Variants in PPP2R2A observed in about 807,000 individuals in gnomAD.
The protein encoded by PPP2R2A is serine/threonine-protein phosphatase 2A 55 kDa regulatory subunit B alpha isoform.
In PPP2R2A, 9 loss-of-function variants were observed where a neutral mutation model predicts 53.2. The observed-to-expected ratio is 0.17, with a 90% CI of 0.10 to 0.30. PPP2R2A has a LOEUF of 0.30. Among genes scored for constraint, PPP2R2A ranks in the 10% least tolerant of loss-of-function variants. The pLI is 1.00. For synonymous variants in PPP2R2A, 169 were observed against 174.2 expected, an observed-to-expected ratio of 0.97 and a Z score of 0.23; for missense variants, 235 against 534.6, an observed-to-expected ratio of 0.44 and a Z score of 5.53.
At chr8:26,361,780 T>C (rs1805096685) in intron 6 of PPP2R2A, among the ~76,000 whole-genome samples, 1 of 151,938 alleles carries the variant, frequency 6.6e-6, no homozygotes, top group Admixed American at 6.6e-5. Context: ...GCCAACATAG[T>C]GAAACCCCGT....
chr8:26,354,801 C>A lies in PPP2R2A; in HGVS notation c.346+168C>A, dbSNP rs1804688276. Among the ~76,000 whole-genome samples the A allele has an allele frequency of 6.6e-6, 1 of 152,106 alleles. No homozygotes were observed. The highest frequency in any genetic ancestry group is 2.4e-5 in the African/African-American group (1 of 41,420). On this transcript the variant is annotated intron_variant, in intron 4 of 9. Transcript: ENST00000380737. This position sits in a 1 kb window ranked among gnomAD's most constrained non-coding sequence, Gnocchi z 4.6. Reference sequence around the variant, plus strand: ...TACTGTCACTTGCAGTTTTTAGATTCTCTGAAAGATTCTCTGATAGCAATT... The same window carrying A: ...TACTGTCACTTGCAGTTTTTAGATTATCTGAAAGATTCTCTGATAGCAATT...
chr8:26,324,349 T>C (rs375822313), intron 2 of PPP2R2A, among the ~76,000 whole-genome samples: 8 of 152,354 alleles, frequency 5.3e-5, no homozygotes, highest in Admixed American at 2.0e-4. Flanking sequence ...AGTATGTGTT[T>C]ATCACAAGAA....
At chr8:26,325,552 A>G (rs1803046177) in intron 2 of PPP2R2A, among the ~76,000 whole-genome samples, 1 of 152,196 alleles carries the variant, frequency 6.6e-6, no homozygotes, top group Non-Finnish European at 1.5e-5. Flanking sequence ...ATGTAAGATA[A>G]GTATCTGCCT....
Position 26,333,380 on chromosome 8 carries a change from A to C in PPP2R2A, c.83-5510A>C, listed in dbSNP as rs1347957347. On this transcript the variant is annotated intron_variant, in intron 2 of 9. Transcript: ENST00000380737. ...TGTTTTCATTTGACAGCTTTGGTACAATGTATTTCTTAACTATTGAGTATT... is the reference window on the plus strand; with the variant it reads ...TGTTTTCATTTGACAGCTTTGGTACCATGTATTTCTTAACTATTGAGTATT... 8.2e-6 allele frequency: 3 copies of C among 363,778 alleles called. No individual in the cohort carries two copies. In the East Asian group the frequency reaches 2.8e-4, roughly 34 times the overall value. The allele number at this position is 363,778 out of a possible 1,614,324, so 22.5% of individuals were successfully genotyped here.
chr8:26,328,117 T>C (rs767180398), intron 2 of PPP2R2A, among the ~76,000 whole-genome samples: 25 of 152,320 alleles, frequency 1.6e-4, no homozygotes, highest in Admixed American at 1.2e-3. Flanking sequence ...AGCTAACATA[T>C]ACAGTTTCTT....
intron 2 of PPP2R2A, among the ~76,000 whole-genome samples, chr8:26,302,447 T>C (rs1801829696): frequency 6.6e-6 from 1 of 152,236 alleles, no homozygotes; most frequent in African/African-American, 2.4e-5. Flanking sequence ...AATCAGTCTT[T>C]TACGGGTGAC....
At chr8:26,346,132 A>ATTG (rs1243944789) in intron 3 of PPP2R2A, among the ~76,000 whole-genome samples, 1 of 149,374 alleles carries the variant, frequency 6.7e-6, no homozygotes, top group Admixed American at 6.7e-5. Flanking sequence ...TATTATTATT[A>ATTG]TTATTATTAT....
chr8:26,363,679 T>G, intron 7 of PPP2R2A, 42 bp from the exon 8 acceptor site: 1 of 1,473,030 alleles, frequency 6.8e-7, no homozygotes, highest in Middle Eastern at 1.8e-4. Flanking sequence ...GCCAGAATAT[T>G]GTACACCTTG....
intron 2 of PPP2R2A, among the ~76,000 whole-genome samples, chr8:26,307,056 TAAGC>T (rs1802058323): frequency 6.6e-6 from 1 of 152,238 alleles, no homozygotes; most frequent in Non-Finnish European, 1.5e-5. Flanking sequence ...CATGAATTAT[TAAGC>T]AAGGTCTATA....
intron 6 of PPP2R2A, among the ~76,000 whole-genome samples, chr8:26,361,488 C>G (rs1003930767): frequency 2.6e-5 from 4 of 152,072 alleles, no homozygotes; most frequent in African/African-American, 7.2e-5. Flanking sequence ...TGCCTGTAAT[C>G]CCAGCGGTTT....
intron 2 of PPP2R2A, among the ~76,000 whole-genome samples, chr8:26,312,740 G>T (rs994105488): frequency 6.6e-6 from 1 of 152,106 alleles, no homozygotes; most frequent in Non-Finnish European, 1.5e-5. Context: ...TTTTTTGCTG[G>T]TAATTTGCCC....
At chr8:26,339,065 C>G in intron 3 of PPP2R2A, 78 bp downstream of exon 3, 1 of 1,066,820 alleles carries the variant, frequency 9.4e-7, no homozygotes, top group Non-Finnish European at 1.4e-6. Context: ...AGAATCTCAT[C>G]AGAGGATGTT....
chr8:26,315,566 G>C (rs1464001699), intron 2 of PPP2R2A, among the ~76,000 whole-genome samples: 1 of 152,148 alleles, frequency 6.6e-6, no homozygotes, highest in Admixed American at 6.5e-5. Context: ...CTCTATTTTA[G>C]AGTCTAGCTT....
intron 2 of PPP2R2A, among the ~76,000 whole-genome samples, chr8:26,315,510 T>C (rs1205090197): frequency 1.3e-5 from 2 of 152,200 alleles, no homozygotes; most frequent in Non-Finnish European, 2.9e-5. Flanking sequence ...CTCAAATTGA[T>C]ACCTTCTCAA....
intron 3 of PPP2R2A, among the ~76,000 whole-genome samples, chr8:26,345,300 C>T (rs570510255): frequency 4.2e-4 from 64 of 152,164 alleles, no homozygotes; most frequent in Non-Finnish European, 7.1e-4. Flanking sequence ...CTGTGCTCTC[C>T]CTAGCCTCAC....
intron 9 of PPP2R2A, among the ~76,000 whole-genome samples, chr8:26,369,532 G>A (rs776383652): frequency 9.9e-5 from 15 of 152,038 alleles, no homozygotes; most frequent in Admixed American, 5.9e-4. Flanking sequence ...TTGGGACTAC[G>A]GGTGCCTGCC....
chr8:26,333,676 T>G, intron 2 of PPP2R2A: 1 of 454,420 alleles, frequency 2.2e-6, no homozygotes, highest in African/African-American at 2.0e-5. Flanking sequence ...CCTTGCTGAT[T>G]TTTATACTGA....
At chr8:26,320,864 G>C (rs1028282029) in intron 2 of PPP2R2A, among the ~76,000 whole-genome samples, 2 of 152,098 alleles carry the variant, frequency 1.3e-5, no homozygotes, top group African/African-American at 4.8e-5. Context: ...TATATGGCTA[G>C]GAACACCAGC....
chr8:26,332,363 C>CAA (rs3070132), intron 2 of PPP2R2A, among the ~76,000 whole-genome samples: 1,461 of 90,948 alleles, frequency 0.016, 3 homozygotes, highest in Admixed American at 0.02. Flanking sequence ...TCTTTTGTCT[C>CAA]AAAAAAAAAA....
Sources: gnomAD v4.1 joint callset for allele counts (sites outside exome capture counted in the v4.1 genomes callset) on GRCh38, gnomAD v4.1.1 for gene constraint, Gnocchi (gnomAD v3.1) non-coding constraint, MANE v1.5 for transcripts, NCBI Gene and HGNC (gene_info 2026-07-23, HGNC 2026-07-21) for gene names.